LHFPL3: variants seen among roughly 807,000 people sequenced by gnomAD.
LHFPL3 encodes the protein LHFPL tetraspan subfamily member 3 protein.
In LHFPL3, 5 loss-of-function variants were observed where a neutral mutation model predicts 19.3. The ratio of observed to expected loss-of-function variants is 0.26; its 90% CI spans 0.14 to 0.54. The LOEUF is 0.54. LHFPL3 is among the 20% of genes least tolerant of loss of function. The pLI, the probability that LHFPL3 is intolerant of heterozygous loss-of-function variation, is 0.94. For missense variants in LHFPL3, 249 were observed against 307.4 expected (o/e 0.81, Z 1.42); for synonymous variants, 133 against 126.2 (o/e 1.05, Z -0.36).
At chr7:104,526,901 T>C (rs752402904) in intron 1 of LHFPL3, among the ~76,000 whole-genome samples, 3 of 152,126 alleles carry the variant, frequency 2.0e-5, no homozygotes, top group Non-Finnish European at 4.4e-5. Context: ...TACACTCTAG[T>C]GGGGAGACAG....
chr7:104,886,817 T>C (rs1409274996), intron 2 of LHFPL3, among the ~76,000 whole-genome samples: 2 of 152,232 alleles, frequency 1.3e-5, no homozygotes. Context: ...AGCTTTTCTA[T>C]TGCAAAATTA....
intron 2 of LHFPL3, among the ~76,000 whole-genome samples, chr7:104,795,860 C>T (rs879520587): frequency 3.3e-5 from 5 of 152,184 alleles, no homozygotes; most frequent in Non-Finnish European, 5.9e-5. Context: ...GAGTAAGTTA[C>T]TTTGGCATAG....
rs764812215 is a variant in LHFPL3 at position 104,328,864 on chromosome 7, T to C, written c.85T>C (p.Tyr29His). 17 of 1,614,120 alleles carry C rather than the reference T, an allele frequency of 1.1e-5. No homozygotes were observed. The South Asian group carries it at 1.8e-4, about 17-fold the overall frequency. The change falls in exon 1 of 3, where the codon TAT becomes CAT. Residue 29 changes from tyrosine to histidine, a missense_variant. By Grantham distance (83) the Tyr-to-His change is moderately conservative. Coordinates refer to ENST00000424859, the MANE Select transcript of LHFPL3 (RefSeq NM_199000.3). The surrounding 1 kb of genome is among the most constrained non-coding windows in gnomAD (Gnocchi z 4.6). Reference protein sequence around the residue: ...QEAAKLYHTNYVRNSRAIGVL... With the variant: ...QEAAKLYHTNHVRNSRAIGVL... ...GGCTGCCAAGCTGTACCACACCAAC[T>C]ATGTGCGGAACTCGCGGGCCATCGG...
intron 1 of LHFPL3, among the ~76,000 whole-genome samples, chr7:104,451,377 A>C (rs949559530): frequency 3.3e-5 from 5 of 152,244 alleles, no homozygotes; most frequent in African/African-American, 1.2e-4. Flanking sequence ...TCAATTATAA[A>C]TTGACTAAGC....
intron 2 of LHFPL3, among the ~76,000 whole-genome samples, chr7:104,802,512 AAAAG>A (rs1179041400): frequency 2.8e-5 from 4 of 143,656 alleles, no homozygotes; most frequent in Non-Finnish European, 6.2e-5. Flanking sequence ...AAAAAAAAAA[AAAAG>A]AGAGAGAGAG....
chr7:104,678,108 TCATA>T (rs1432822819), intron 1 of LHFPL3, among the ~76,000 whole-genome samples: 2 of 152,216 alleles, frequency 1.3e-5, no homozygotes, highest in African/African-American at 4.8e-5. Flanking sequence ...GCGCGAGAAT[TCATA>T]CATGCATATA....
At chr7:104,862,353 C>T (rs184072485) in intron 2 of LHFPL3, among the ~76,000 whole-genome samples, 1 of 152,250 alleles carries the variant, frequency 6.6e-6, no homozygotes, top group East Asian at 1.9e-4. Context: ...TTAGGAGCTA[C>T]TACATATTGC....
chr7:104,669,073 T>C, intron 1 of LHFPL3: 1 of 1,612,156 alleles, frequency 6.2e-7, no homozygotes, highest in Non-Finnish European at 8.5e-7. Context: ...GAGTGAGAAG[T>C]CTCTAGAAAA....
chr7:104,668,719 C>T lies in LHFPL3; in HGVS notation c.446-67956C>T, dbSNP rs544663444. On this transcript the variant is annotated intron_variant, in intron 1 of 2. Coordinates refer to ENST00000424859, the MANE Select transcript of LHFPL3 (RefSeq NM_199000.3). ...GATTATAGGCGTGATGATAGAGGTC[C>T]CCCCCCCCCCAAAGACCCAAACTGA... is the stretch of plus-strand genomic sequence containing the variant. The T allele has an allele frequency of 1.0e-5, 11 of 1,078,860 alleles. No homozygotes were observed. The East Asian group carries it at 1.1e-4, about 11-fold the overall frequency. The allele number at this position is 1,078,860 out of a possible 1,614,324, so 66.8% of individuals were successfully genotyped here. A position where few individuals can be genotyped will look rare whatever the true frequency, so the allele number is the denominator to read the frequency against.
At chr7:104,560,935 A>G (rs1422265580) in intron 1 of LHFPL3, among the ~76,000 whole-genome samples, 1 of 149,372 alleles carries the variant, frequency 6.7e-6, no homozygotes, top group Non-Finnish European at 1.5e-5. Context: ...TCATTTCGTT[A>G]TGTACCCAGT....
intron 1 of LHFPL3, among the ~76,000 whole-genome samples, chr7:104,395,066 T>A (rs1371181574): frequency 6.6e-6 from 1 of 151,934 alleles, no homozygotes; most frequent in African/African-American, 2.4e-5. Context: ...AATGAGCTTA[T>A]TGTATACCAC....
intron 1 of LHFPL3, among the ~76,000 whole-genome samples, chr7:104,357,878 A>G (rs1790313329): frequency 6.6e-6 from 1 of 152,158 alleles, no homozygotes; most frequent in Non-Finnish European, 1.5e-5. Context: ...CACATCTACA[A>G]AATACCTATA....
At position 104,769,365 on chromosome 7, in the gene LHFPL3, GT is replaced by G. The variant is rs1301682406; in HGVS notation, c.682+32455del. ...AACAGCCTAAAGCCCAAATTCTCAA[GT>G]GTAGGATTGTTAAAGAAAGTATACA... On this transcript the variant is annotated intron_variant, in intron 2 of 2. Transcript: ENST00000424859. Among the ~76,000 whole-genome samples the G allele has an allele frequency of 6.6e-5, 10 of 152,350 alleles. No homozygotes were observed. The East Asian group carries it at 1.9e-3, about 29-fold the overall frequency.
intron 1 of LHFPL3, among the ~76,000 whole-genome samples, chr7:104,552,869 G>C: frequency 6.6e-6 from 1 of 152,142 alleles, no homozygotes; most frequent in East Asian, 1.9e-4. Context: ...TAGGAATTAA[G>C]CTCATGGGTG....
chr7:104,369,794 T>A (rs1459101899), intron 1 of LHFPL3, among the ~76,000 whole-genome samples: 2 of 152,238 alleles, frequency 1.3e-5, no homozygotes, highest in Non-Finnish European at 2.9e-5. Context: ...GTTGAGCAAC[T>A]CTTCATGTGC....
chr7:104,559,413 T>C (rs1241384065), intron 1 of LHFPL3, among the ~76,000 whole-genome samples: 3 of 150,062 alleles, frequency 2.0e-5, no homozygotes, highest in Non-Finnish European at 4.4e-5. Flanking sequence ...GTAAGTTGGA[T>C]TCCTAGGTAT....
chr7:104,552,919 G>A (rs1794690035), intron 1 of LHFPL3, among the ~76,000 whole-genome samples: 1 of 152,232 alleles, frequency 6.6e-6, no homozygotes, highest in South Asian at 2.1e-4. Context: ...TGTGACCTTG[G>A]CATGTTACTT....
intron 1 of LHFPL3, among the ~76,000 whole-genome samples, chr7:104,474,134 C>G (rs542907980): frequency 6.6e-6 from 1 of 152,298 alleles, no homozygotes; most frequent in South Asian, 2.1e-4. Flanking sequence ...CAAAGACCTC[C>G]TGCTTCTACC....
chr7:104,644,897 G>A (rs1023541533), intron 1 of LHFPL3, among the ~76,000 whole-genome samples: 2 of 152,120 alleles, frequency 1.3e-5, no homozygotes, highest in African/African-American at 4.8e-5. Context: ...TGTTTTTAAA[G>A]CTCCTAAGTG....
Sources: gnomAD v4.1 joint callset for allele counts (sites outside exome capture counted in the v4.1 genomes callset) on GRCh38, gnomAD v4.1.1 for gene constraint, Gnocchi (gnomAD v3.1) non-coding constraint, MANE v1.5 for transcripts, NCBI Gene and HGNC (gene_info 2026-07-23, HGNC 2026-07-21) for gene names.